The following KLHL14 variants were observed in gnomAD, a reference collection of about 807,000 sequenced individuals.
The protein encoded by KLHL14 is kelch-like protein 14.
KLHL14 carries 22 observed loss-of-function variants against 64.3 expected under a neutral mutation model. The ratio of observed to expected loss-of-function variants is 0.34; its 90% confidence interval spans 0.24 to 0.49. The LOEUF (loss-of-function observed/expected upper bound fraction) is 0.49, where lower values mean the gene tolerates loss of function less well. Among genes scored for constraint, KLHL14 ranks in the 20% least tolerant of loss-of-function variants. The pLI is 0.99. For missense variants in KLHL14, 661 were observed against 789.0 expected (o/e 0.84, Z 1.94); for synonymous variants, 322 against 333.4 (o/e 0.97, Z 0.37).
In KLHL14 at chr18:32,673,763, T is replaced by C. The variant is rs1326678563; in HGVS notation, c.*894A>G. 6.6e-6 allele frequency: 1 copy of C among 152,220 alleles called. No homozygotes were observed. The highest frequency in any genetic ancestry group is 1.5e-5 in the Non-Finnish European group (1 of 68,026). 9.4% of individuals were successfully genotyped at this position (152,220 alleles called of 1,614,324 possible). A position where few individuals can be genotyped will look rare whatever the true frequency, so the allele number is the denominator to read the frequency against. ...AATTCCTGAAAACAATCTCCCATTT[T>C]TTTTTATTATGGATTAAATTTGGGT... is the stretch of plus-strand genomic sequence containing the variant. On this transcript the variant is annotated 3_prime_UTR_variant, in exon 9 of 9. Coordinates refer to ENST00000359358, the MANE Select transcript of KLHL14 (RefSeq NM_020805.3).
intron 3 of KLHL14, among the ~76,000 whole-genome samples, chr18:32,716,848 T>G (rs1425949579): frequency 6.6e-6 from 1 of 152,252 alleles, no homozygotes; most frequent in Non-Finnish European, 1.5e-5. Context: ...ATATGACTTT[T>G]GTAGATATAA....
chr18:32,739,213 T>C (rs953756921), intron 3 of KLHL14, among the ~76,000 whole-genome samples: 63 of 152,134 alleles, frequency 4.1e-4, no homozygotes, highest in African/African-American at 1.5e-3. Context: ...ACTAGTTTGG[T>C]ATTTCTTCTG....
At chr18:32,740,558 A>G (rs2050191004) in intron 3 of KLHL14, among the ~76,000 whole-genome samples, 1 of 151,928 alleles carries the variant, frequency 6.6e-6, no homozygotes, top group South Asian at 2.1e-4. Context: ...CCAGGCTTTC[A>G]CTATTGGTCA....
intron 3 of KLHL14, among the ~76,000 whole-genome samples, chr18:32,732,828 A>C (rs552393578): frequency 6.6e-6 from 1 of 152,202 alleles, no homozygotes; most frequent in Non-Finnish European, 1.5e-5. Context: ...GGAAACTGAG[A>C]TAGAAGAGTA....
chr18:32,673,025 C>A lies in KLHL14; in HGVS notation c.*1632G>T, dbSNP rs1416490005. On this transcript the variant is annotated 3_prime_UTR_variant, in exon 9 of 9. Transcript: ENST00000359358. The stretch of plus-strand genomic sequence containing the variant: ...TTTCCCACAGAGTACTGTAACTTTT[C>A]TTTCTATATACTCATATGTTTTAAG... 1 of 147,690 alleles carries A rather than the reference C, an allele frequency of 6.8e-6. No homozygotes were observed. The highest frequency in any genetic ancestry group is 1.5e-5 in the Non-Finnish European group (1 of 67,362). The allele number at this position is 147,690 out of a possible 1,614,324, so 9.1% of individuals were successfully genotyped here.
At chr18:32,771,772 G>A (rs2050387516) in intron 1 of KLHL14, among the ~76,000 whole-genome samples, 2 of 151,910 alleles carry the variant, frequency 1.3e-5, no homozygotes, top group Admixed American at 1.3e-4. Context: ...GGCAGGTGTT[G>A]GGGGAGGGGT....
At chr18:32,744,869 GGACT>G (rs2050216584) in intron 2 of KLHL14, 1 of 152,130 alleles carries the variant, frequency 6.6e-6, no homozygotes, top group South Asian at 2.1e-4. Flanking sequence ...TCTAAGAAGT[GGACT>G]GACTACCAAT....
chr18:32,738,491 C>G (rs911038673), intron 3 of KLHL14: 1 of 152,120 alleles, frequency 6.6e-6, no homozygotes, highest in Non-Finnish European at 1.5e-5. Context: ...GAGAGAACAA[C>G]AATGCCAAAC....
At chr18:32,729,528 A>C (rs1174907226) in intron 3 of KLHL14, among the ~76,000 whole-genome samples, 1 of 152,210 alleles carries the variant, frequency 6.6e-6, no homozygotes, top group Non-Finnish European at 1.5e-5. Context: ...TTTAGGAGAC[A>C]AGGAAAGTAA....
chr18:32,703,286 G>A (rs930039057), intron 3 of KLHL14, among the ~76,000 whole-genome samples: 4 of 152,144 alleles, frequency 2.6e-5, no homozygotes, highest in African/African-American at 9.7e-5. Context: ...ATTGATCAAC[G>A]AATAGCACGA....
chr18:32,761,181 G>C (rs1038163600), intron 2 of KLHL14, among the ~76,000 whole-genome samples: 5 of 152,096 alleles, frequency 3.3e-5, no homozygotes, highest in Admixed American at 3.3e-4. Flanking sequence ...TGCAGGACTC[G>C]GCTAACGTGG....
At chr18:32,730,927 C>T (rs1189223324) in intron 3 of KLHL14, among the ~76,000 whole-genome samples, 1 of 152,166 alleles carries the variant, frequency 6.6e-6, no homozygotes, top group African/African-American at 2.4e-5. Context: ...CGGTCGTCTG[C>T]CTTGACAACC....
chr18:32,698,240 C>G (rs950301294), intron 3 of KLHL14, among the ~76,000 whole-genome samples: 1 of 152,112 alleles, frequency 6.6e-6, no homozygotes, highest in South Asian at 2.1e-4. Flanking sequence ...CATGCCTGCT[C>G]CTTTCCAGAT....
In KLHL14 at chr18:32,756,403, T is replaced by TCACACACA. The variant is rs3042637; in HGVS notation, c.947+13234_947+13241dup. 2.5e-3 allele frequency among the ~76,000 whole-genome samples: 377 copies of TCACACACA among 150,836 alleles called. 1 individual carries two copies. The highest frequency in any genetic ancestry group is 0.018 in the East Asian group (90 of 5,108). On this transcript the variant is annotated intron_variant, in intron 2 of 8. Transcript: ENST00000359358. Reference sequence around the variant, plus strand: ...GAGACTTTAGGGTTTAGAGTTTCCTTCACACACACACACACACACACATGC... The same window carrying TCACACACA: ...GAGACTTTAGGGTTTAGAGTTTCCTTCACACACACACACACACACACACACACACATGC...
At chr18:32,741,907 A>G in intron 3 of KLHL14, 21 bp downstream of exon 3, 1 of 1,548,166 alleles carries the variant, frequency 6.5e-7, no homozygotes, top group Non-Finnish European at 8.7e-7. Context: ...GAGTGAATAA[A>G]TAAATAAATA....
chr18:32,766,296 A>G (rs2050343782), intron 2 of KLHL14, among the ~76,000 whole-genome samples: 1 of 152,098 alleles, frequency 6.6e-6, no homozygotes, highest in East Asian at 1.9e-4. Context: ...ATAAAAAGAA[A>G]CTATTTGGGT....
intron 3 of KLHL14, among the ~76,000 whole-genome samples, chr18:32,718,907 A>T (rs2050060163): frequency 6.6e-6 from 1 of 152,090 alleles, no homozygotes; most frequent in Non-Finnish European, 1.5e-5. Context: ...TTTCATCAAA[A>T]TTTTCACTAT....
Position 32,683,568 on chromosome 18 carries a change from A to G in KLHL14, c.1239-2969T>C, listed in dbSNP as rs149977647. ...TTGGGGGGAAAGTAAGTTCAAGATTATTAAAGATTTCTTATTGGGATTACA... is the reference window on the plus strand; with the variant it reads ...TTGGGGGGAAAGTAAGTTCAAGATTGTTAAAGATTTCTTATTGGGATTACA... On this transcript the variant is annotated intron_variant, in intron 5 of 8. Coordinates refer to ENST00000359358, the MANE Select transcript of KLHL14 (RefSeq NM_020805.3). This position sits in a 1 kb window ranked among gnomAD's most constrained non-coding sequence, Gnocchi z 4.2. 4.6e-3 allele frequency among the ~76,000 whole-genome samples: 694 copies of G among 152,326 alleles called. 5 individuals carry two copies. Among genetic ancestry groups the G allele is most frequent in the African/African-American group, 0.016 (655 of 41,560 alleles).
rs772977997 is a variant in KLHL14 at position 32,680,145 on chromosome 18, AAAAC to A, written c.1588+20_1588+23del. 5.0e-6 allele frequency: 8 copies of A among 1,610,318 alleles called. No individual in the cohort carries two copies. The East Asian group carries it at 1.8e-4, about 36-fold the overall frequency. Reference sequence around the variant, plus strand: ...GAGGTGCAAATGTTATTGTGACTAAAAAACAAAACAACAAAAAAAAGACCTTTCA... The same window carrying A: ...GAGGTGCAAATGTTATTGTGACTAAAAAAACAACAAAAAAAAGACCTTTCA... On this transcript the variant is annotated intron_variant, in intron 7 of 8. Transcript: ENST00000359358. The surrounding 1 kb of genome is among the most constrained non-coding windows in gnomAD (Gnocchi z 4.8).
Sources: gnomAD v4.1 joint callset for allele counts (sites outside exome capture counted in the v4.1 genomes callset) on GRCh38, gnomAD v4.1.1 for gene constraint, Gnocchi (gnomAD v3.1) non-coding constraint, MANE v1.5 for transcripts, NCBI Gene and HGNC (gene_info 2026-07-23, HGNC 2026-07-21) for gene names.